The following ROBO1 variants were observed in gnomAD, a reference collection of about 807,000 sequenced individuals.
ROBO1 encodes the protein roundabout homolog 1.
In ROBO1, 149 loss-of-function variants were observed where a neutral mutation model predicts 195.9. The ratio of observed to expected loss-of-function variants is 0.76; its 90% CI spans 0.67 to 0.87. The LOEUF is 0.87. Ranked by LOEUF, ROBO1 falls within the 40% of genes least tolerant of loss-of-function variation. The probability of loss-of-function intolerance (pLI) is 0.00; values close to 1 mark genes in which losing one functional copy is unlikely to be tolerated. For synonymous variants in ROBO1, 816 were observed against 733.2 expected (o/e 1.11, Z -1.82); for missense variants, 1,933 against 2,068.3 (o/e 0.93, Z 1.27).
intron 3 of ROBO1, among the ~76,000 whole-genome samples, chr3:79,008,384 ATAG>A (rs2077677008): frequency 6.6e-6 from 1 of 152,100 alleles, no homozygotes; most frequent in Non-Finnish European, 1.5e-5. Context: ...ATCACAATTG[ATAG>A]TAGTTTACTG....
intron 1 of ROBO1, among the ~76,000 whole-genome samples, chr3:79,739,679 A>G (rs1438198332): frequency 6.6e-6 from 1 of 152,154 alleles, no homozygotes; most frequent in Non-Finnish European, 1.5e-5. Context: ...TAGGGAAAAG[A>G]TTACTGTTTT....
intron 1 of ROBO1, among the ~76,000 whole-genome samples, chr3:79,757,203 ATAAT>A (rs981387262): frequency 6.6e-6 from 1 of 152,188 alleles, no homozygotes; most frequent in African/African-American, 2.4e-5. Context: ...GGATTATTTA[ATAAT>A]TATGTTTAAT....
chr3:78,825,225 G>C (rs1188492792), intron 4 of ROBO1, among the ~76,000 whole-genome samples: 1 of 152,050 alleles, frequency 6.6e-6, no homozygotes, highest in Non-Finnish European at 1.5e-5. Context: ...AAGTTACCCC[G>C]ATAGTAAGGA....
At chr3:79,353,655 CTA>C (rs2035430905) in intron 2 of ROBO1, among the ~76,000 whole-genome samples, 1 of 152,056 alleles carries the variant, frequency 6.6e-6, no homozygotes, top group African/African-American at 2.4e-5. Context: ...TTGATTTATT[CTA>C]TAGTCAATAG....
intron 2 of ROBO1, among the ~76,000 whole-genome samples, chr3:79,370,057 C>A (rs1013144466): frequency 6.6e-6 from 1 of 152,040 alleles, no homozygotes. Context: ...CTTTATAAAA[C>A]CTGATGTTTA....
intron 2 of ROBO1, among the ~76,000 whole-genome samples, chr3:79,342,076 A>T (rs1164247819): frequency 6.6e-6 from 1 of 152,196 alleles, no homozygotes; most frequent in Non-Finnish European, 1.5e-5. Context: ...AGCAAGGAAG[A>T]GTGGAAAGTT....
At chr3:79,455,713 C>A (rs1192362610) in intron 2 of ROBO1, among the ~76,000 whole-genome samples, 1 of 152,082 alleles carries the variant, frequency 6.6e-6, no homozygotes, top group African/African-American at 2.4e-5. Context: ...TCTTCATCCC[C>A]TCCACATATT....
chr3:79,627,563 C>T (rs150914782), intron 1 of ROBO1, among the ~76,000 whole-genome samples: 16 of 152,112 alleles, frequency 1.1e-4, no homozygotes, highest in Admixed American at 5.2e-4. Context: ...GGAAAACCTA[C>T]GAAATACCAT....
intron 3 of ROBO1, among the ~76,000 whole-genome samples, chr3:79,052,219 C>T (rs1198691138): frequency 6.6e-6 from 1 of 151,966 alleles, no homozygotes; most frequent in African/African-American, 2.4e-5. Context: ...CTAAAATGGC[C>T]GCTCTGGGAG....
intron 1 of ROBO1, among the ~76,000 whole-genome samples, chr3:79,696,177 T>A (rs1327391427): frequency 1.3e-5 from 2 of 151,406 alleles, no homozygotes; most frequent in African/African-American, 2.4e-5. Flanking sequence ...AGCCTGCAAC[T>A]TTTCCTCCAA....
chr3:79,661,011 T>C (rs893307575), intron 1 of ROBO1, among the ~76,000 whole-genome samples: 3 of 152,082 alleles, frequency 2.0e-5, no homozygotes, highest in African/African-American at 7.2e-5. Flanking sequence ...TCAGAAATCC[T>C]AAAGGGCCTG....
chr3:78,624,310 A>T (rs1704627400), intron 26 of ROBO1, among the ~76,000 whole-genome samples: 1 of 152,124 alleles, frequency 6.6e-6, no homozygotes, highest in African/African-American at 2.4e-5. Context: ...TTCTATAGTA[A>T]ACATATAGAA....
At chr3:79,346,089 G>T (rs1299539591) in intron 2 of ROBO1, among the ~76,000 whole-genome samples, 1 of 152,080 alleles carries the variant, frequency 6.6e-6, no homozygotes, top group East Asian at 1.9e-4. Flanking sequence ...AATCACAAGT[G>T]AATAGATGCA....
chr3:79,686,477 G>A lies in ROBO1; in HGVS notation c.-51+81275C>T, dbSNP rs1248907520. On this transcript the variant is annotated intron_variant, in intron 1 of 30. Transcript: ENST00000464233. ...GATTGTATATCTAGAAAACCTCATC[G>A]TCTCAGCCCAAAATCTCCTTAAGCT... 5.9e-5 allele frequency among the ~76,000 whole-genome samples: 9 copies of A among 152,228 alleles called. 1 individual carries two copies. Among genetic ancestry groups the A allele is most frequent in the South Asian group, 4.1e-4 (2 of 4,826 alleles).
chr3:79,533,782 A>G (rs1403461951), intron 2 of ROBO1, among the ~76,000 whole-genome samples: 1 of 152,292 alleles, frequency 6.6e-6, no homozygotes, highest in African/African-American at 2.4e-5. Flanking sequence ...TGTGTTTACT[A>G]TCTTCTATCC....
intron 4 of ROBO1, among the ~76,000 whole-genome samples, chr3:78,920,731 C>T (rs1426520822): frequency 3.3e-5 from 5 of 149,954 alleles, no homozygotes; most frequent in Admixed American, 1.3e-4. Flanking sequence ...ACCTCTGGGC[C>T]GTCAAATGAT....
intron 4 of ROBO1, among the ~76,000 whole-genome samples, chr3:78,926,367 T>C (rs910839503): frequency 2.0e-5 from 3 of 152,126 alleles, no homozygotes; most frequent in African/African-American, 2.4e-5. Context: ...GAAATAATGG[T>C]GATTCTGATT....
At chr3:79,240,576 C>A (rs2108878506) in intron 2 of ROBO1, among the ~76,000 whole-genome samples, 1 of 152,198 alleles carries the variant, frequency 6.6e-6, no homozygotes, top group African/African-American at 2.4e-5. Flanking sequence ...TTCATACAGG[C>A]CAAAGAATGT....
intron 2 of ROBO1, among the ~76,000 whole-genome samples, chr3:79,457,513 C>T (rs1469938345): frequency 6.6e-6 from 1 of 151,986 alleles, no homozygotes; most frequent in Non-Finnish European, 1.5e-5. Flanking sequence ...CTCACCATTG[C>T]TTCACAGAGT....
Sources: gnomAD v4.1 joint callset for allele counts (sites outside exome capture counted in the v4.1 genomes callset) on GRCh38, gnomAD v4.1.1 for gene constraint, MANE v1.5 for transcripts, NCBI Gene and HGNC (gene_info 2026-07-23, HGNC 2026-07-21) for gene names.